The following GRM3 variants were observed in gnomAD, a reference collection of about 807,000 sequenced individuals.
The protein encoded by GRM3 is metabotropic glutamate receptor 3.
In GRM3, 26 loss-of-function variants were observed where a neutral mutation model predicts 70.5. The observed-to-expected ratio is 0.37, with a 90% CI of 0.27 to 0.51. The LOEUF (loss-of-function observed/expected upper bound fraction) is 0.51, where lower values mean the gene tolerates loss of function less well. Ranked by LOEUF, GRM3 falls within the 20% of genes least tolerant of loss-of-function variation. GRM3 has a pLI of 0.93. For missense variants in GRM3, 859 were observed against 1,123.8 expected (o/e 0.76, Z 3.37); for synonymous variants, 443 against 434.9 (o/e 1.02, Z -0.23).
Position 86,697,752 on chromosome 7 carries a change from T to C in GRM3, c.-141+52880T>C, listed in dbSNP as rs2463397. 3.5e-3 allele frequency among the ~76,000 whole-genome samples: 528 copies of C among 152,198 alleles called. 5 individuals are homozygous for C. The highest frequency in any genetic ancestry group is 0.012 in the African/African-American group (501 of 41,558). Reference sequence around the variant, plus strand: ...ACTTACTTTCACAGACTATTTACGGTGTATTACATATTTACTCAGCTCTAA... The same window carrying C: ...ACTTACTTTCACAGACTATTTACGGCGTATTACATATTTACTCAGCTCTAA... On this transcript the variant is annotated intron_variant, in intron 1 of 5. Coordinates refer to ENST00000361669, the MANE Select transcript of GRM3 (RefSeq NM_000840.3).
intron 1 of GRM3, among the ~76,000 whole-genome samples, chr7:86,740,222 G>A (rs1398268585): frequency 6.6e-6 from 1 of 152,136 alleles, no homozygotes; most frequent in East Asian, 1.9e-4. Context: ...AACAAGAGAG[G>A]TAGTTAATGA....
intron 3 of GRM3, among the ~76,000 whole-genome samples, chr7:86,837,017 G>A (rs1798469433): frequency 6.6e-6 from 1 of 152,112 alleles, no homozygotes; most frequent in Admixed American, 6.5e-5. Flanking sequence ...ATATGTGATG[G>A]GTTTGTGAAG....
In GRM3 at chr7:86,765,159, C is replaced by G. The variant is rs766260611; in HGVS notation, c.14C>G (p.Thr5Arg). ...GAAACAGGATTCATGAAGATGTTGA[C>G]AAGACTGCAAGTTCTTACCTTAGCT... MKMLTRLQVLTLALF... is the reference protein window; with the variant it reads MKMLRRLQVLTLALF... The change falls in exon 2 of 6, where the codon ACA becomes AGA. Residue 5 changes from threonine (T) to arginine (R), a missense_variant. By Grantham distance (71) the Thr-to-Arg change is moderately conservative. Transcript: ENST00000361669. 1 of 1,579,616 alleles carries G rather than the reference C, an allele frequency of 6.3e-7. No individual in the cohort carries two copies. The highest frequency in any genetic ancestry group is 8.6e-7 in the Non-Finnish European group (1 of 1,166,330).
intron 1 of GRM3, among the ~76,000 whole-genome samples, chr7:86,699,620 G>T (rs1304049837): frequency 2.0e-5 from 3 of 151,944 alleles, no homozygotes; most frequent in Admixed American, 1.3e-4. Flanking sequence ...TTTTGAACAT[G>T]TCTTATTTAT....
At chr7:86,813,588 G>A (rs981147823) in intron 3 of GRM3, among the ~76,000 whole-genome samples, 1 of 151,732 alleles carries the variant, frequency 6.6e-6, no homozygotes, top group African/African-American at 2.4e-5. Flanking sequence ...AGAAAGTAAT[G>A]AAGTATGAGT....
chr7:86,782,932 C>T (rs1797113054), intron 2 of GRM3, among the ~76,000 whole-genome samples: 1 of 152,126 alleles, frequency 6.6e-6, no homozygotes, highest in Non-Finnish European at 1.5e-5. Context: ...CTAATAATAA[C>T]ATAATTGGGT....
intron 1 of GRM3, among the ~76,000 whole-genome samples, chr7:86,759,700 G>T (rs1225890888): frequency 6.6e-6 from 1 of 152,100 alleles, no homozygotes; most frequent in African/African-American, 2.4e-5. Context: ...TGGGAATTTA[G>T]CAAATGAAGG....
chr7:86,673,264 C>G (rs1438931661), intron 1 of GRM3, among the ~76,000 whole-genome samples: 1 of 152,176 alleles, frequency 6.6e-6, no homozygotes, highest in African/African-American at 2.4e-5. Flanking sequence ...TGGCATCATC[C>G]TTATTTGTGG....
chr7:86,734,570 C>T (rs1795812406), intron 1 of GRM3, among the ~76,000 whole-genome samples: 1 of 152,286 alleles, frequency 6.6e-6, no homozygotes. Flanking sequence ...ATAATATCCT[C>T]ATATTCCCAT....
At chr7:86,855,180 A>G (rs1375027442) in intron 5 of GRM3, among the ~76,000 whole-genome samples, 1 of 152,180 alleles carries the variant, frequency 6.6e-6, no homozygotes, top group Non-Finnish European at 1.5e-5. Flanking sequence ...GTTGGTTCCT[A>G]AGGACAGGCA....
intron 1 of GRM3, among the ~76,000 whole-genome samples, chr7:86,729,989 C>G (rs2116271212): frequency 6.6e-6 from 1 of 152,048 alleles, no homozygotes; most frequent in Non-Finnish European, 1.5e-5. Flanking sequence ...TGCCTGTAAT[C>G]CCAGCTACTT....
intron 3 of GRM3, among the ~76,000 whole-genome samples, chr7:86,795,186 G>C (rs1039278645): frequency 6.6e-6 from 1 of 151,864 alleles, no homozygotes; most frequent in Admixed American, 6.5e-5. Flanking sequence ...TTTACTTTTA[G>C]AGTGGGGTTA....
chr7:86,688,192 A>G (rs567367752), intron 1 of GRM3, among the ~76,000 whole-genome samples: 35 of 151,802 alleles, frequency 2.3e-4, no homozygotes, highest in African/African-American at 8.2e-4. Context: ...ATAAAATTGT[A>G]CCTAAAAACA....
chr7:86,813,089 T>A (rs540347231), intron 3 of GRM3, among the ~76,000 whole-genome samples: 1 of 151,920 alleles, frequency 6.6e-6, no homozygotes, highest in South Asian at 2.1e-4. Flanking sequence ...GTTCCAATAT[T>A]GTTTTTAATC....
chr7:86,830,864 T>A (rs1376470659), intron 3 of GRM3, among the ~76,000 whole-genome samples: 1 of 152,138 alleles, frequency 6.6e-6, no homozygotes. Flanking sequence ...CAGTCCAATA[T>A]GGCTGGTGTT....
intron 3 of GRM3, among the ~76,000 whole-genome samples, chr7:86,837,898 C>T (rs1798488668): frequency 6.6e-6 from 1 of 152,126 alleles, no homozygotes; most frequent in Non-Finnish European, 1.5e-5. Flanking sequence ...TAAAGATTGG[C>T]AGTGAAATAG....
chr7:86,732,995 G>C (rs982459697), intron 1 of GRM3, among the ~76,000 whole-genome samples: 2 of 152,060 alleles, frequency 1.3e-5, no homozygotes, highest in African/African-American at 2.4e-5. Context: ...GAGACACTGT[G>C]GGGGAAGAAG....
chr7:86,730,048 A>AGTGAGCC (rs1306480285), intron 1 of GRM3, among the ~76,000 whole-genome samples: 9 of 152,174 alleles, frequency 5.9e-5, no homozygotes, highest in Admixed American at 1.3e-4. Context: ...CGGAGGTTGC[A>AGTGAGCC]GTGAGCCGTG....
chr7:86,687,587 T>C (rs577335412), intron 1 of GRM3, among the ~76,000 whole-genome samples: 50 of 151,606 alleles, frequency 3.3e-4, no homozygotes, highest in Admixed American at 2.4e-3. Context: ...GAGAATGTTT[T>C]TCTGGGCAGA....
Sources: gnomAD v4.1 joint callset for allele counts (sites outside exome capture counted in the v4.1 genomes callset) on GRCh38, gnomAD v4.1.1 for gene constraint, MANE v1.5 for transcripts, NCBI Gene and HGNC (gene_info 2026-07-23, HGNC 2026-07-21) for gene names.